Variants in MCTP2 observed in about 807,000 individuals in gnomAD.
MCTP2 encodes the protein multiple C2 and transmembrane domain-containing protein 2.
MCTP2 carries 132 observed loss-of-function variants against 111.6 expected under a neutral mutation model. That is an observed-to-expected ratio of 1.18 (90% CI 1.03 to 1.37). MCTP2 has a LOEUF of 1.37. MCTP2 is among the 40% of genes most tolerant of loss of function. The pLI is 0.00. For missense variants in MCTP2, 1,183 were observed against 1,067.9 expected, an observed-to-expected ratio of 1.11 and a Z score of -1.50; for synonymous variants, 395 against 387.7, an observed-to-expected ratio of 1.02 and a Z score of -0.22.
intron 1 of MCTP2, among the ~76,000 whole-genome samples, chr15:94,297,012 C>G (rs2075304750): frequency 6.6e-6 from 1 of 152,158 alleles, no homozygotes; most frequent in Non-Finnish European, 1.5e-5. Flanking sequence ...CTTGAAGGAG[C>G]TGGGGTGGGG....
intron 1 of MCTP2, among the ~76,000 whole-genome samples, chr15:94,234,840 T>C (rs2070431666): frequency 6.6e-6 from 1 of 152,196 alleles, no homozygotes; most frequent in East Asian, 1.9e-4. Flanking sequence ...TGCTTTGTTA[T>C]AGGCTTGCAT....
At chr15:94,245,396 A>T (rs1455731422) in intron 1 of MCTP2, among the ~76,000 whole-genome samples, 42 of 52,432 alleles carry the variant, frequency 8.0e-4, no homozygotes, top group African/African-American at 2.7e-3. Flanking sequence ...ATTTATATAC[A>T]TGTGTGTATA....
intron 12 of MCTP2, among the ~76,000 whole-genome samples, chr15:94,383,174 G>A (rs1052985592): frequency 1.3e-5 from 2 of 152,190 alleles, no homozygotes; most frequent in African/African-American, 4.8e-5. Context: ...GATCATGAGT[G>A]TTTGTGACCA....
chr15:94,240,077 G>GT (rs1458512082), intron 1 of MCTP2, among the ~76,000 whole-genome samples: 1 of 149,378 alleles, frequency 6.7e-6, no homozygotes, highest in African/African-American at 2.5e-5. Flanking sequence ...TTTTTTTTTT[G>GT]TTTGTTTTGT....
At chr15:94,345,862 A>G (rs909174373) in intron 8 of MCTP2, among the ~76,000 whole-genome samples, 1 of 152,222 alleles carries the variant, frequency 6.6e-6, no homozygotes, top group Non-Finnish European at 1.5e-5. Flanking sequence ...AGAAATAACA[A>G]CAAAATAATT....
intron 4 of MCTP2, among the ~76,000 whole-genome samples, chr15:94,325,181 A>G (rs1272492690): frequency 6.6e-6 from 1 of 152,138 alleles, no homozygotes; most frequent in Non-Finnish European, 1.5e-5. Flanking sequence ...TTTGGATTCT[A>G]GCTCAGACAC....
chr15:94,312,743 G>T (rs1352570294), intron 2 of MCTP2, among the ~76,000 whole-genome samples: 1 of 152,100 alleles, frequency 6.6e-6, no homozygotes, highest in Non-Finnish European at 1.5e-5. Flanking sequence ...TTGTACTCAG[G>T]GCTCGTTTCT....
In MCTP2 at chr15:94,356,257, A is replaced by C. The variant is rs752243331; in HGVS notation, c.1126A>C (p.Met376Leu). 1 of 1,612,152 alleles carries C rather than the reference A, an allele frequency of 6.2e-7. No individual in the cohort carries two copies. Among genetic ancestry groups the C allele is most frequent in the Admixed American group, 1.7e-5 (1 of 59,838 alleles). ...TGTCTCAGGAGGAAGCATGACAGAG[A>C]TGTTTGTCCAGTTAAAACTGGGAGA... is the stretch of plus-strand genomic sequence containing the variant. Reference protein sequence around the residue: ...KNVSGGSMTEMFVQLKLGDQR... With the variant: ...KNVSGGSMTELFVQLKLGDQR... The change falls in exon 9 of 23, where the codon ATG (methionine) becomes CTG (leucine). Residue 376 changes from methionine to leucine, a missense_variant. Coordinates refer to ENST00000357742, the MANE Select transcript of MCTP2 (RefSeq NM_001385001.1).
At chr15:94,247,974 T>TATTGC (rs1390759695) in intron 1 of MCTP2, among the ~76,000 whole-genome samples, 1 of 152,118 alleles carries the variant, frequency 6.6e-6, no homozygotes, top group Admixed American at 6.5e-5. Context: ...GCACTTACAG[T>TATTGC]ATTGCAGGGT....
At chr15:94,285,776 C>G (rs900363781) in intron 1 of MCTP2, among the ~76,000 whole-genome samples, 2 of 152,150 alleles carry the variant, frequency 1.3e-5, no homozygotes, top group African/African-American at 4.8e-5. Flanking sequence ...GTTCTAGGGT[C>G]TTTTCAAATG....
At chr15:94,314,177 T>G in intron 2 of MCTP2, 105 bp from the exon 3 acceptor site, 3 of 759,918 alleles carry the variant, frequency 3.9e-6, no homozygotes. Flanking sequence ...AAGCTGCATA[T>G]GCAAATATCA....
chr15:94,362,386 AT>A (rs1307788644), intron 10 of MCTP2, among the ~76,000 whole-genome samples: 11 of 152,164 alleles, frequency 7.2e-5, no homozygotes, highest in African/African-American at 2.7e-4. Flanking sequence ...TCTAGACTTA[AT>A]TTAGTTTGGA....
At chr15:94,349,161 T>C (rs188418385) in intron 8 of MCTP2, among the ~76,000 whole-genome samples, 1 of 152,272 alleles carries the variant, frequency 6.6e-6, no homozygotes, top group African/African-American at 2.4e-5. Flanking sequence ...TCTAGGTCAG[T>C]ATTAACCTGG....
chr15:94,402,797 A>G (rs897245747), intron 17 of MCTP2: 2 of 1,398,376 alleles, frequency 1.4e-6, no homozygotes, highest in Non-Finnish European at 1.9e-6. Flanking sequence ...GTATCATGCC[A>G]TTCATTTCTG....
At chr15:94,435,655 G>A (rs539726380) in intron 17 of MCTP2, among the ~76,000 whole-genome samples, 1,759 of 100,898 alleles carry the variant, frequency 0.017, 86 homozygotes, top group African/African-American at 0.056. Flanking sequence ...TTTTTGAGAC[G>A]GAGTCTCGCT....
At chr15:94,360,157 CA>C (rs2078848673) in intron 10 of MCTP2, among the ~76,000 whole-genome samples, 1 of 152,214 alleles carries the variant, frequency 6.6e-6, no homozygotes, top group Non-Finnish European at 1.5e-5. Flanking sequence ...CCTCACCCTC[CA>C]CATCTCTGGT....
chr15:94,455,754 C>T (rs1404276264), intron 19 of MCTP2, among the ~76,000 whole-genome samples: 1 of 152,114 alleles, frequency 6.6e-6, no homozygotes, highest in Admixed American at 6.5e-5. Flanking sequence ...GTATAGTCTA[C>T]AGTGGAGTCA....
At chr15:94,453,149 T>A (rs1175341509) in intron 19 of MCTP2, among the ~76,000 whole-genome samples, 1 of 152,242 alleles carries the variant, frequency 6.6e-6, no homozygotes, top group Non-Finnish European at 1.5e-5. Context: ...CAAGGTGGGA[T>A]GTGTTGCTTA....
Position 94,367,764 on chromosome 15 carries a change from C to A in MCTP2, c.1461C>A (p.Ser487Arg), listed in dbSNP as rs753961829. The A allele has an allele frequency of 1.2e-6, 2 of 1,603,728 alleles. No homozygotes were observed. The highest frequency in any genetic ancestry group is 1.4e-5 in the African/African-American group (1 of 73,918). Residue 487 changes from serine (S) to arginine (R), a missense_variant, in exon 11 of 23, where the codon AGC (serine) becomes AGA (arginine). Transcript: ENST00000357742. ...DLCVCPLADL[S>R]ERKQITQRYC... Reference sequence around the variant, plus strand: ...GTGTCTGCCCCTTAGCAGACCTCAGCGAAAGAAAGCAGATTACCCAGCGAT... The same window carrying A: ...GTGTCTGCCCCTTAGCAGACCTCAGAGAAAGAAAGCAGATTACCCAGCGAT...
Sources: allele counts gnomAD v4.1 joint callset (sites outside exome capture counted in the v4.1 genomes callset), GRCh38; gene constraint gnomAD v4.1.1; transcripts MANE v1.5; gene names NCBI Gene and HGNC (gene_info 2026-07-23, HGNC 2026-07-21).